The following SCLT1 variants were observed in gnomAD, a reference collection of about 807,000 sequenced individuals.
SCLT1 encodes sodium channel-associated protein 1.
In SCLT1, 78 loss-of-function variants were observed where a neutral mutation model predicts 112.8. The observed-to-expected ratio is 0.69, with a 90% CI of 0.58 to 0.83. The LOEUF is 0.83. Among genes scored for constraint, SCLT1 ranks in the 40% least tolerant of loss-of-function variants. SCLT1 has a pLI of 0.00. For synonymous variants in SCLT1, 257 were observed against 254.7 expected (o/e 1.01, Z -0.09); for missense variants, 747 against 770.4 (o/e 0.97, Z 0.36).
intron 18 of SCLT1, among the ~76,000 whole-genome samples, chr4:128,917,129 T>C (rs1735540741): frequency 6.6e-6 from 1 of 152,006 alleles, no homozygotes; most frequent in East Asian, 1.9e-4. Context: ...AAAACCACAA[T>C]AAAATGTGTG....
intron 9 of SCLT1, among the ~76,000 whole-genome samples, chr4:128,973,089 C>A (rs1249819790): frequency 8.5e-5 from 13 of 152,058 alleles, no homozygotes; most frequent in Admixed American, 8.5e-4. Flanking sequence ...GACTAGTCTT[C>A]TTCTTTTTCT....
intron 5 of SCLT1, among the ~76,000 whole-genome samples, chr4:129,027,167 T>C (rs1579758082): frequency 6.6e-6 from 1 of 151,950 alleles, no homozygotes; most frequent in Non-Finnish European, 1.5e-5. Flanking sequence ...TTCCAATCAA[T>C]AGAAAAGGAG....
chr4:128,965,769 A>G (rs1740126656), intron 10 of SCLT1, among the ~76,000 whole-genome samples: 1 of 151,908 alleles, frequency 6.6e-6, no homozygotes. Flanking sequence ...TTTCTAAGGA[A>G]ATTTCTTGTT....
rs773290066 is a variant in SCLT1 at position 128,936,684 on chromosome 4, T to C, written c.1800A>G (p.Glu600=). The C allele has an allele frequency of 1.6e-5, 26 of 1,602,158 alleles. No homozygotes were observed. The South Asian group carries it at 2.9e-4, about 18-fold the overall frequency. ...RWKEETKKLT[E]SAEIRINNLK... is the part of the protein sequence containing the mutation. ...GATTATTGATTCTAATTTCTGCACT[T>C]TCAGTAAGTTTCTTCGTTTCTTCTT... The change falls in exon 18 of 21, where the codon GAA becomes GAG. Residue 600 remains glutamate (E), a synonymous_variant. Coordinates refer to ENST00000281142, the MANE Select transcript of SCLT1 (RefSeq NM_144643.4).
At chr4:128,999,151 C>T (rs1743247508) in intron 7 of SCLT1, among the ~76,000 whole-genome samples, 1 of 151,826 alleles carries the variant, frequency 6.6e-6, no homozygotes, top group Non-Finnish European at 1.5e-5. Flanking sequence ...AGAAAAAAGT[C>T]TTTTAATAAC....
At chr4:129,028,776 C>G (rs1176214243) in intron 5 of SCLT1, among the ~76,000 whole-genome samples, 2 of 151,998 alleles carry the variant, frequency 1.3e-5, no homozygotes, top group African/African-American at 4.8e-5. Flanking sequence ...GCAACCTACT[C>G]ATCTGACAAA....
intron 9 of SCLT1, among the ~76,000 whole-genome samples, chr4:128,977,149 T>C (rs879301895): frequency 2.0e-5 from 3 of 152,196 alleles, no homozygotes; most frequent in Admixed American, 1.3e-4. Flanking sequence ...AGAGATGGTG[T>C]AGATTTTACA....
At chr4:128,990,605 A>T (rs1031314774) in intron 9 of SCLT1, among the ~76,000 whole-genome samples, 1 of 151,926 alleles carries the variant, frequency 6.6e-6, no homozygotes, top group African/African-American at 2.4e-5. Flanking sequence ...CAGTCAGACA[A>T]GGGAAAGAAA....
intron 9 of SCLT1, among the ~76,000 whole-genome samples, chr4:128,978,155 GA>G (rs1228165144): frequency 6.6e-6 from 1 of 152,086 alleles, no homozygotes; most frequent in Non-Finnish European, 1.5e-5. Flanking sequence ...TTTAAATTCT[GA>G]GGTTCCATGT....
intron 9 of SCLT1, among the ~76,000 whole-genome samples, chr4:128,988,249 A>G (rs1336791297): frequency 6.6e-6 from 1 of 152,116 alleles, no homozygotes; most frequent in Non-Finnish European, 1.5e-5. Context: ...AGACTAGAAG[A>G]CAGACTTACC....
chr4:128,987,780 A>G (rs899081729), intron 9 of SCLT1, among the ~76,000 whole-genome samples: 4 of 152,172 alleles, frequency 2.6e-5, no homozygotes, highest in Admixed American at 1.3e-4. Context: ...CAAAGACATA[A>G]TAACAGAGAA....
chr4:129,089,780 G>A (rs993812485), intron 1 of SCLT1, among the ~76,000 whole-genome samples: 3 of 152,008 alleles, frequency 2.0e-5, no homozygotes, highest in Admixed American at 6.6e-5. Flanking sequence ...ACCAAACACC[G>A]CATATTCTCA....
At chr4:129,086,313 GTATA>G (rs5861875) in intron 1 of SCLT1, among the ~76,000 whole-genome samples, 1,564 of 150,106 alleles carry the variant, frequency 0.01, 19 homozygotes, top group African/African-American at 0.03. Context: ...GTGTATGTAT[GTATA>G]TATATATATA....
intron 18 of SCLT1, among the ~76,000 whole-genome samples, chr4:128,933,402 G>A (rs1312603259): frequency 6.6e-6 from 1 of 151,798 alleles, no homozygotes; most frequent in East Asian, 1.9e-4. Context: ...TCAATTTATT[G>A]CACATATTCT....
rs1167564718 is a variant in SCLT1 at position 129,003,825 on chromosome 4, G to C, written c.342C>G (p.Pro114=). ...DAVEKKLEAF[P]LGTEVGTDIY... Reference sequence around the variant, plus strand: ...TGTCAGTTCCTACCTCTGTGCCCAGGGGAAAGGCCTCCAATTTTTTTTCAA... The same window carrying C: ...TGTCAGTTCCTACCTCTGTGCCCAGCGGAAAGGCCTCCAATTTTTTTTCAA... The change falls in exon 6 of 21, where the codon CCC becomes CCG. Residue 114 remains proline (P), a synonymous_variant. Transcript: ENST00000281142. 5.6e-6 allele frequency: 9 copies of C among 1,611,638 alleles called. No homozygotes were observed. The highest frequency in any genetic ancestry group is 7.6e-6 in the Non-Finnish European group (9 of 1,178,540).
In SCLT1 at chr4:128,997,903, GTTGT is replaced by G. The variant is rs753244332; in HGVS notation, c.582_585del (p.Lys194AsnfsTer11). On this transcript the variant is annotated frameshift_variant, in exon 8 of 21. Transcript: ENST00000281142. LOFTEE classifies it high-confidence loss of function. ...TCCATGTTCTCATTAGTAACATGAA[GTTGT>G]TTGGTCAGTTGTTGAAAATCAAATA... The G allele has an allele frequency of 1.3e-6, 2 of 1,514,536 alleles. No homozygotes were observed. The highest frequency in any genetic ancestry group is 2.8e-5 in the African/African-American group (2 of 71,160). 93.8% of individuals were successfully genotyped at this position (1,514,536 alleles called of 1,614,324 possible). A position where few individuals can be genotyped will look rare whatever the true frequency, so the allele number is the denominator to read the frequency against.
At chr4:129,075,179 T>C (rs779356648) in intron 2 of SCLT1, among the ~76,000 whole-genome samples, 5 of 152,208 alleles carry the variant, frequency 3.3e-5, no homozygotes, top group Non-Finnish European at 7.3e-5. Context: ...TGTTTACTTT[T>C]GGCTCTCACT....
intron 2 of SCLT1, among the ~76,000 whole-genome samples, chr4:129,053,557 ATTTTTTTT>A (rs528905688): frequency 4.0e-3 from 182 of 45,184 alleles, no homozygotes; most frequent in African/African-American, 0.015. Context: ...GCAATCCCTG[ATTTTTTTT>A]TTTTTTTTTT....
chr4:128,952,449 T>C, intron 14 of SCLT1: 1 of 487,694 alleles, frequency 2.1e-6, no homozygotes, highest in Non-Finnish European at 4.0e-6. Context: ...CACTGTTATA[T>C]ATACTTTCTC....
Sources: allele counts gnomAD v4.1 joint callset (sites outside exome capture counted in the v4.1 genomes callset), GRCh38; gene constraint gnomAD v4.1.1; transcripts MANE v1.5; gene names NCBI Gene and HGNC (gene_info 2026-07-23, HGNC 2026-07-21).